The following EHD3 variants were observed in gnomAD, a reference collection of about 807,000 sequenced individuals.
The protein encoded by EHD3 is EH domain containing 3, also known as EH domain-containing protein 3.
EHD3 carries 17 observed loss-of-function variants against 43.0 expected under a neutral mutation model. That is an observed-to-expected ratio of 0.40 (90% CI 0.27 to 0.59). The LOEUF (loss-of-function observed/expected upper bound fraction) is 0.59. EHD3 is among the 20% of genes least tolerant of loss of function. EHD3 has a pLI of 0.49. For synonymous variants in EHD3, 313 were observed against 289.5 expected (o/e 1.08, Z -0.82); for missense variants, 594 against 705.6 (o/e 0.84, Z 1.79).
At position 31,234,472 on chromosome 2, in the gene EHD3, C is replaced by T. The variant is rs1157695676; in HGVS notation, c.-150C>T. The T allele has an allele frequency of 4.8e-6, 4 of 833,784 alleles. No individual in the cohort carries two copies. Among genetic ancestry groups the T allele is most frequent in the African/African-American group, 3.4e-5 (2 of 58,472 alleles). The allele number at this position is 833,784 out of a possible 1,614,324, so 51.6% of individuals were successfully genotyped here. On this transcript the variant is annotated 5_prime_UTR_variant, in exon 1 of 6. Coordinates refer to ENST00000322054, the MANE Select transcript of EHD3 (RefSeq NM_014600.3). ...GAGAGTGCGCTCCCGGCCCTCCTAG[C>T]CGCGTGCCCGGGCCATGGTGCGGCT...
rs539941685 is a variant in EHD3 at position 31,267,384 on chromosome 2, G to A, written c.*680G>A. ...AAAAATTGATAAGAGTGAGGAAATT[G>A]TCCTGTAGTCTATTGAAAACCAGTC... is the stretch of plus-strand genomic sequence containing the variant. On this transcript the variant is annotated 3_prime_UTR_variant, in exon 6 of 6. Transcript: ENST00000322054. The A allele has an allele frequency of 2.0e-5, 3 of 152,362 alleles. No homozygotes were observed. Among genetic ancestry groups the A allele is most frequent in the African/African-American group, 7.2e-5 (3 of 41,518 alleles). 9.4% of individuals were successfully genotyped at this position (152,362 alleles called of 1,614,324 possible). A position where few individuals can be genotyped will look rare whatever the true frequency, so the allele number is the denominator to read the frequency against.
rs1683841503 is a variant in EHD3 at position 31,260,919 on chromosome 2, C to G, written c.912C>G (p.Ala304=). The G allele has an allele frequency of 6.3e-7, 1 of 1,597,992 alleles. No individual in the cohort carries two copies. Among genetic ancestry groups the G allele is most frequent in the Non-Finnish European group, 8.5e-7 (1 of 1,171,898 alleles). Residue 304 remains alanine, a synonymous_variant, in exon 4 of 6, where the codon GCC becomes GCG. Transcript: ENST00000322054. The surrounding 1 kb of genome is among the most constrained non-coding windows in gnomAD (Gnocchi z 4.6). The part of the protein sequence containing the change: ...LNDLIKRARL[A]KVHAYIISSL... ...ACCTCATCAAAAGGGCCAGGCTGGCCAAGGTGAGGCAGCCCCCTGGGAGGT... is the reference window on the plus strand; with the variant it reads ...ACCTCATCAAAAGGGCCAGGCTGGCGAAGGTGAGGCAGCCCCCTGGGAGGT...
At chr2:31,241,258 G>A (rs927425081) in intron 1 of EHD3, among the ~76,000 whole-genome samples, 4 of 152,054 alleles carry the variant, frequency 2.6e-5, no homozygotes, top group East Asian at 1.9e-4. Flanking sequence ...CCCATTCATC[G>A]TTCTAAAAGG....
intron 5 of EHD3, 94 bp downstream of exon 5, chr2:31,261,807 A>G (rs1245597571): frequency 6.8e-7 from 1 of 1,466,402 alleles, no homozygotes; most frequent in African/African-American, 1.4e-5. Flanking sequence ...GGAGCCCCCC[A>G]GGGAGAACCC....
chr2:31,244,363 AG>A lies in EHD3; in HGVS notation c.321del (p.Ile108SerfsTer26). ...SFIAVMQGDMEGIIPGNALVV... is the reference protein window; with the variant it reads ...SFIAVMQGDMXGIIPGNALVV... ...ATTGCGGTGATGCAGGGAGACATGG[AG>A]GGGATCATCCCTGGGAACGCCCTGG... is the stretch of plus-strand genomic sequence containing the variant. On this transcript the variant is annotated frameshift_variant, in exon 2 of 6. Transcript: ENST00000322054. LOFTEE classifies it high-confidence loss of function. 4 of 1,614,224 alleles carry A rather than the reference AG, an allele frequency of 2.5e-6. No homozygotes were observed. The highest frequency in any genetic ancestry group is 3.4e-6 in the Non-Finnish European group (4 of 1,180,034).
At chr2:31,236,801 T>C (rs1683332459) in intron 1 of EHD3, among the ~76,000 whole-genome samples, 1 of 152,128 alleles carries the variant, frequency 6.6e-6, no homozygotes, top group Admixed American at 6.6e-5. Flanking sequence ...TTTTGCAGAA[T>C]GGGAGGGAAG....
intron 1 of EHD3, among the ~76,000 whole-genome samples, chr2:31,238,509 G>A (rs1185272310): frequency 1.3e-5 from 2 of 152,224 alleles, no homozygotes; most frequent in Non-Finnish European, 2.9e-5. Context: ...CTAAGGCCCG[G>A]CAACACAGAG....
intron 5 of EHD3, 91 bp downstream of exon 5, chr2:31,261,804 C>T: frequency 6.7e-7 from 1 of 1,488,806 alleles, no homozygotes; most frequent in Non-Finnish European, 9.1e-7. Flanking sequence ...CTTGGAGCCC[C>T]CCAGGGAGAA....
chr2:31,245,620 G>T (rs1330883315), intron 2 of EHD3, among the ~76,000 whole-genome samples: 1 of 142,894 alleles, frequency 7.0e-6, no homozygotes, highest in East Asian at 2.0e-4. Flanking sequence ...GGAGTGCAAT[G>T]GCGCGATCTC....
At chr2:31,250,568 GTTTTCTT>G (rs915586867) in intron 3 of EHD3, among the ~76,000 whole-genome samples, 37 of 152,252 alleles carry the variant, frequency 2.4e-4, no homozygotes, top group African/African-American at 7.9e-4. Flanking sequence ...CACCCAGCCT[GTTTTCTT>G]TTTTCTAACT....
At position 31,261,639 on chromosome 2, in the gene EHD3, G is replaced by A; in HGVS notation, c.1006G>A (p.Ala336Thr). ...GAAGAAGGAGCTGGTCAACAACCTGGCCGAGATCTATGGCCGGATCGAGCG... is the reference window on the plus strand; with the variant it reads ...GAAGAAGGAGCTGGTCAACAACCTGACCGAGATCTATGGCCGGATCGAGCG... ...NKKKELVNNL[A>T]EIYGRIEREH... The change falls in exon 5 of 6, where the codon GCC becomes ACC. Residue 336 changes from alanine (A) to threonine (T), a missense_variant. Around this residue, in one of 3 missense-constraint regions of EHD3, gnomAD observed 322 missense variants for 348.0 expected, o/e 0.93. Transcript: ENST00000322054. 6.2e-7 allele frequency: 1 copy of A among 1,614,224 alleles called. No individual in the cohort carries two copies. The highest frequency in any genetic ancestry group is 1.1e-5 in the South Asian group (1 of 91,086).
chr2:31,249,703 T>C (rs1483572356), intron 3 of EHD3, among the ~76,000 whole-genome samples: 1 of 152,144 alleles, frequency 6.6e-6, no homozygotes, highest in African/African-American at 2.4e-5. Context: ...CTCAGTCTTC[T>C]CATCTGTAAA....
In EHD3 at chr2:31,234,568, C is replaced by A. The variant is rs1281354638; in HGVS notation, c.-54C>A. On this transcript the variant is annotated 5_prime_UTR_variant, in exon 1 of 6. Coordinates refer to ENST00000322054, the MANE Select transcript of EHD3 (RefSeq NM_014600.3). ...GGACCGGTCCTACGGGACATCTTCC[C>A]CTGAGGAGGAGTCTTCCCCTGGGGC... 30 of 1,595,864 alleles carry A rather than the reference C, an allele frequency of 1.9e-5. No homozygotes were observed. The highest frequency in any genetic ancestry group is 2.5e-5 in the Non-Finnish European group (29 of 1,169,328).
rs556019532 is a variant in EHD3, at chr2:31,260,544, C to T, written c.537C>T (p.Ala179=). 8.7e-6 allele frequency: 14 copies of T among 1,611,308 alleles called. No individual in the cohort carries two copies. Among genetic ancestry groups the T allele is most frequent in the Admixed American group, 3.3e-5 (2 of 59,904 alleles). Residue 179 remains alanine, a synonymous_variant, in exon 4 of 6, where the codon GCC becomes GCT. Coordinates refer to ENST00000322054, the MANE Select transcript of EHD3 (RefSeq NM_014600.3). This position sits in a 1 kb window ranked among gnomAD's most constrained non-coding sequence, Gnocchi z 4.6. ...YDFAAVLEWF[A]ERVDRIILLF... is the part of the protein sequence containing the mutation. ...TTGCAGCTGTCCTTGAGTGGTTTGC[C>T]GAGCGGGTTGACCGCATCATTCTGC...
chr2:31,261,335 C>T (rs1168162694), intron 4 of EHD3, among the ~76,000 whole-genome samples: 5 of 152,184 alleles, frequency 3.3e-5, no homozygotes, highest in Admixed American at 1.3e-4. Flanking sequence ...GACCATAGCT[C>T]CCCACAACCT....
intron 1 of EHD3, among the ~76,000 whole-genome samples, chr2:31,240,499 G>T (rs1276380794): frequency 2.0e-5 from 3 of 152,192 alleles, no homozygotes; most frequent in African/African-American, 4.8e-5. Context: ...CGACTGTGCT[G>T]CCTGGACTTG....
intron 2 of EHD3, among the ~76,000 whole-genome samples, chr2:31,245,030 C>G (rs554045948): frequency 6.6e-6 from 1 of 152,324 alleles, no homozygotes; most frequent in Admixed American, 6.5e-5. Context: ...GCTTGGCAAA[C>G]TAATCTGGGC....
chr2:31,235,577 G>T (rs543637835), intron 1 of EHD3, among the ~76,000 whole-genome samples: 4 of 152,186 alleles, frequency 2.6e-5, no homozygotes, highest in African/African-American at 7.2e-5. Context: ...TAACCGAGGC[G>T]CAGAGAAGTT....
At chr2:31,237,762 ATTATTT>A (rs1341594527) in intron 1 of EHD3, among the ~76,000 whole-genome samples, 6 of 152,218 alleles carry the variant, frequency 3.9e-5, no homozygotes, top group African/African-American at 1.4e-4. Context: ...ATTTGTCAGC[ATTATTT>A]TTAACAACTG....
Sources: gnomAD v4.1 joint callset for allele counts (sites outside exome capture counted in the v4.1 genomes callset) on GRCh38, gnomAD v4.1.1 for gene constraint, gnomAD v4.1.1 regional missense constraint, Gnocchi (gnomAD v3.1) non-coding constraint, MANE v1.5 for transcripts, NCBI Gene and HGNC (gene_info 2026-07-23, HGNC 2026-07-21) for gene names.